Variants in RSPH10B observed in about 807,000 individuals in gnomAD.
The protein encoded by RSPH10B is radial spoke head 10 homolog B (Chlamydomonas).
RSPH10B carries 7 observed loss-of-function variants against 52.5 expected under a neutral mutation model. That is an observed-to-expected ratio of 0.13 (90% CI 0.08 to 0.25). The LOEUF (loss-of-function observed/expected upper bound fraction) is 0.25. Among genes scored for constraint, RSPH10B ranks in the 10% least tolerant of loss-of-function variants. RSPH10B has a pLI of 1.00. For missense variants in RSPH10B, 89 were observed against 542.5 expected (o/e 0.16, Z 8.30); for synonymous variants, 28 against 193.2 (o/e 0.14, Z 7.09).
intron 10 of RSPH10B, among the ~76,000 whole-genome samples, chr7:5,947,722 A>G (rs1325977964): frequency 1.3e-5 from 1 of 79,256 alleles, no homozygotes; most frequent in African/African-American, 4.5e-5. Flanking sequence ...TCTCAAAAAA[A>G]ACAAAACAAA....
At chr7:5,937,086 C>CAAAAAAA in intron 15 of RSPH10B, among the ~76,000 whole-genome samples, 1 of 25,104 alleles carries the variant, frequency 4.0e-5, no homozygotes, top group South Asian at 2.0e-3. Context: ...AGCTCTGTCT[C>CAAAAAAA]AAAAAAAAAA....
intron 16 of RSPH10B, among the ~76,000 whole-genome samples, chr7:5,934,486 TC>T (rs1458047100): frequency 7.7e-6 from 1 of 129,370 alleles, no homozygotes; most frequent in Admixed American, 8.1e-5. Flanking sequence ...AAGAGCTTCC[TC>T]ACTGGTTTGT....
intron 17 of RSPH10B, among the ~76,000 whole-genome samples, chr7:5,932,170 G>A (rs547772415): frequency 1.2e-4 from 15 of 125,728 alleles, no homozygotes; most frequent in South Asian, 9.0e-4. Context: ...ACACGGACAC[G>A]GCTGAGGAAT....
chr7:5,926,841 GC>G, intron 18 of RSPH10B, among the ~76,000 whole-genome samples: 1 of 137,096 alleles, frequency 7.3e-6, no homozygotes. Flanking sequence ...TGTAACTTCC[GC>G]CTCCCGAGTT....
At position 5,928,484 on chromosome 7, in the gene RSPH10B, G is replaced by A. The variant is rs1464678055; in HGVS notation, c.2234-90C>T. On this transcript the variant is annotated intron_variant, in intron 17 of 18. Coordinates refer to ENST00000337579, the Ensembl canonical transcript of RSPH10B. ...CTTTTTCTCGTTCTAGCCTCCCTGG[G>A]GTGGGCCCCCTTCTCCTCGGCCAGG... is the stretch of plus-strand genomic sequence containing the variant. 3.2e-6 allele frequency: 5 copies of A among 1,554,734 alleles called. No individual in the cohort carries two copies. In the African/African-American group the frequency reaches 5.5e-5, roughly 17 times the overall value.
rs1583198978 is a variant in RSPH10B, at chr7:5,926,381, TTCTTGCTGGTGATGG to T, written c.2585_2599del (p.Thr862_Lys866del). 6.8e-6 allele frequency: 10 copies of T among 1,469,752 alleles called. No individual in the cohort carries two copies. The East Asian group carries it at 6.9e-5, about 10-fold the overall frequency. 91.0% of individuals were successfully genotyped at this position (1,469,752 alleles called of 1,614,324 possible). On this transcript the variant is annotated inframe_deletion, in exon 19 of 19. Transcript: ENST00000337579. ...CCTCGTGTCTCTCTACTTTTTCTTC[TTCTTGCTGGTGATGG>T]TCTTGCTGGATGGGGACACGGTCAC...
In RSPH10B at chr7:5,927,062, G is replaced by GTA. The variant is rs1562553198; in HGVS notation, c.2433-515_2433-514insTA. On this transcript the variant is annotated intron_variant, in intron 18 of 18. Transcript: ENST00000337579. ...GTGTGTGTGTATTATGTGTGTGTGT[G>GTA]TGTGTATATGTGTGTGTGTGTGTGT... 4.1e-3 allele frequency among the ~76,000 whole-genome samples: 380 copies of GTA among 91,776 alleles called. 2 individuals carry two copies. Among genetic ancestry groups the GTA allele is most frequent in the African/African-American group, 0.017 (350 of 20,496 alleles). 60.2% of individuals were successfully genotyped at this position (91,776 alleles called of 152,430 possible). A position where few individuals can be genotyped will look rare whatever the true frequency, so the allele number is the denominator to read the frequency against.
chr7:5,947,861 TG>T (rs1780494161), intron 10 of RSPH10B, among the ~76,000 whole-genome samples: 1 of 13,308 alleles, frequency 7.5e-5, no homozygotes. Context: ...CCCTGCCTTT[TG>T]TGTGTGTGTG....
chr7:5,968,779 T>C (rs1277422522), upstream of RSPH10B, among the ~76,000 whole-genome samples: 1 of 59,010 alleles, frequency 1.7e-5, no homozygotes. Flanking sequence ...AGTGCTGGGA[T>C]TACAGGCGTG....
intron 12 of RSPH10B, among the ~76,000 whole-genome samples, 154 bp downstream of exon 14, chr7:5,943,757 G>A (rs1242597812): frequency 6.6e-6 from 1 of 151,224 alleles, no homozygotes; most frequent in Non-Finnish European, 1.5e-5. Context: ...TGTTGGCCAG[G>A]CTGGTCTTGA....
rs201265529 is a variant in RSPH10B, at chr7:5,947,860, T to TTGTG, written c.1414+356_1414+359dup. ...CCTGGGGGTTGGGGACCCCTGCCTT[T>TTGTG]TGTGTGTGTGTGTGTGTGTGTGTGT... On this transcript the variant is annotated intron_variant, in intron 10 of 18. Coordinates refer to ENST00000337579, the Ensembl canonical transcript of RSPH10B. Among the ~76,000 whole-genome samples the TTGTG allele has an allele frequency of 3.2e-3, 286 of 90,784 alleles. 14 individuals are homozygous for TTGTG. The highest frequency in any genetic ancestry group is 9.3e-3 in the African/African-American group (215 of 23,012). 59.6% of individuals were successfully genotyped at this position (90,784 alleles called of 152,430 possible). A position where few individuals can be genotyped will look rare whatever the true frequency, so the allele number is the denominator to read the frequency against.
In RSPH10B at chr7:5,961,595, G is replaced by A. The variant is rs1386440127; in HGVS notation, c.400-731C>T. ...TGACCTGAGGTGATCCACCTGCCTC[G>A]GCTTCCCAAAGTGCTGAGATTAACA... On this transcript the variant is annotated intron_variant, in intron 3 of 18. Coordinates refer to ENST00000337579, the Ensembl canonical transcript of RSPH10B. Among the ~76,000 whole-genome samples, 16 of 82,154 alleles carry A rather than the reference G, an allele frequency of 1.9e-4. No individual in the cohort carries two copies. The East Asian group carries it at 2.6e-3, about 14-fold the overall frequency. The allele number at this position is 82,154 out of a possible 152,430, so 53.9% of individuals were successfully genotyped here. A position where few individuals can be genotyped will look rare whatever the true frequency, so the allele number is the denominator to read the frequency against.
intron 16 of RSPH10B, among the ~76,000 whole-genome samples, chr7:5,933,406 A>AG (rs1394310057): frequency 8.6e-6 from 1 of 115,808 alleles, no homozygotes; most frequent in African/African-American, 3.0e-5. Flanking sequence ...CCTCTCAAAA[A>AG]AAAACCCCAA....
At chr7:5,930,917 G>A (rs544938449) in intron 17 of RSPH10B, among the ~76,000 whole-genome samples, 1 of 82,826 alleles carries the variant, frequency 1.2e-5, no homozygotes, top group South Asian at 3.8e-4. Context: ...GGGAAAGTGG[G>A]AGAAGAGATT....
chr7:5,944,167 T>C (rs1297473042), intron 11 of RSPH10B, among the ~76,000 whole-genome samples, 177 bp from the exon 14 acceptor site: 1 of 151,066 alleles, frequency 6.6e-6, no homozygotes, highest in Non-Finnish European at 1.5e-5. Flanking sequence ...GAGGCCAAGG[T>C]GGGCGGATCA....
chr7:5,938,381 C>A, intron 14 of RSPH10B, among the ~76,000 whole-genome samples: 1 of 121,636 alleles, frequency 8.2e-6, no homozygotes, highest in Admixed American at 8.4e-5. Flanking sequence ...TCCTGGCTAA[C>A]ACGGTGAAAC....
intron 7 of RSPH10B, among the ~76,000 whole-genome samples, chr7:5,954,207 T>C (rs1780671884): frequency 9.6e-6 from 1 of 104,176 alleles, no homozygotes; most frequent in Non-Finnish European, 2.0e-5. Flanking sequence ...AGCACAGTCT[T>C]AACTCACTGC....
At chr7:5,955,000 A>T (rs1446196947) in intron 7 of RSPH10B, among the ~76,000 whole-genome samples, 2 of 125,674 alleles carry the variant, frequency 1.6e-5, no homozygotes, top group African/African-American at 2.8e-5. Context: ...AAAAAAAAAA[A>T]AAAAAAAAAA....
chr7:5,927,095 TGTA>T (rs1241287141), intron 18 of RSPH10B, among the ~76,000 whole-genome samples: 1 of 143,684 alleles, frequency 7.0e-6, no homozygotes, highest in African/African-American at 2.6e-5. Context: ...TGTGTGTGTG[TGTA>T]TTTTTTTTTT....
Sources: gnomAD v4.1 joint callset for allele counts (sites outside exome capture counted in the v4.1 genomes callset) on GRCh38, gnomAD v4.1.1 for gene constraint, MANE v1.5 for transcripts, NCBI Gene and HGNC (gene_info 2026-07-23, HGNC 2026-07-21) for gene names.